Variants in SPHKAP observed in about 807,000 individuals in gnomAD.
The protein encoded by SPHKAP is SPHK1 interactor, AKAP domain containing.
Under a neutral mutation model 137.5 loss-of-function variants are expected in SPHKAP, and 67 were observed. That is an observed-to-expected ratio of 0.49 (90% confidence interval 0.40 to 0.60). The LOEUF (loss-of-function observed/expected upper bound fraction) is 0.60. Ranked by LOEUF, SPHKAP falls within the 20% of genes least tolerant of loss-of-function variation. The pLI is 0.00. For missense variants in SPHKAP, 2,097 were observed against 2,069.3 expected, an observed-to-expected ratio of 1.01 and a Z score of -0.26; for synonymous variants, 813 against 785.3, an observed-to-expected ratio of 1.04 and a Z score of -0.59.
chr2:228,039,257 G>C lies in SPHKAP; in HGVS notation c.247-11714C>G, dbSNP rs77211892. 8.1e-3 allele frequency among the ~76,000 whole-genome samples: 1,233 copies of C among 152,266 alleles called. 18 individuals are homozygous for C. Among genetic ancestry groups the C allele is most frequent in the African/African-American group, 0.027 (1,131 of 41,548 alleles). On this transcript the variant is annotated intron_variant, in intron 3 of 11. Coordinates refer to ENST00000392056, the MANE Select transcript of SPHKAP (RefSeq NM_001142644.2). ...GCTTCCTGAACAGAGCTAATCTTGTGGTTGTACTCCACCTTTTACACTCTA... is the reference window on the plus strand; with the variant it reads ...GCTTCCTGAACAGAGCTAATCTTGTCGTTGTACTCCACCTTTTACACTCTA...
At chr2:228,086,143 T>C (rs2106320697) in intron 3 of SPHKAP, among the ~76,000 whole-genome samples, 1 of 152,146 alleles carries the variant, frequency 6.6e-6, no homozygotes, top group Admixed American at 6.5e-5. Context: ...TAGGACAAGC[T>C]TCCCAGTGAA....
At chr2:228,121,972 AACTTTTCTTAGAGGAGGG>A (rs763478157) in intron 2 of SPHKAP, among the ~76,000 whole-genome samples, 124 of 152,226 alleles carry the variant, frequency 8.1e-4, no homozygotes, top group Non-Finnish European at 1.3e-3. Context: ...CTATGCTGGG[AACTTTTCTTAGAGGAGGG>A]ACTGAAAGAA....
chr2:228,148,725 C>G (rs769976645), intron 1 of SPHKAP, among the ~76,000 whole-genome samples: 10 of 152,044 alleles, frequency 6.6e-5, no homozygotes, highest in Non-Finnish European at 1.2e-4. Flanking sequence ...GTTCAACTAC[C>G]CACATGGCTG....
At chr2:228,158,681 C>T (rs1689152339) in intron 1 of SPHKAP, among the ~76,000 whole-genome samples, 1 of 152,192 alleles carries the variant, frequency 6.6e-6, no homozygotes, top group Admixed American at 6.5e-5. Context: ...TTTATATTCT[C>T]ACTGCAGATC....
At chr2:228,119,452 A>AGT (rs1698834791) in intron 2 of SPHKAP, among the ~76,000 whole-genome samples, 1 of 73,852 alleles carries the variant, frequency 1.4e-5, no homozygotes, top group South Asian at 3.6e-4. Flanking sequence ...TTAAAAGCCT[A>AGT]GTATACACAC....
chr2:228,155,679 A>G (rs968326413), intron 1 of SPHKAP, among the ~76,000 whole-genome samples: 1 of 152,198 alleles, frequency 6.6e-6, no homozygotes, highest in Non-Finnish European at 1.5e-5. Context: ...AGAAAACTGA[A>G]TTAAGAGCAA....
rs1186654720 is a variant in SPHKAP at position 228,001,320 on chromosome 2, A to AAT, written c.4449-5628_4449-5627dup. ...ATATAAATATATCTATACATATATA[A>AAT]ATATATATACATATATAAATATATA... On this transcript the variant is annotated intron_variant, in intron 7 of 11. Transcript: ENST00000392056. Among the ~76,000 whole-genome samples, 5 of 142,608 alleles carry AAT rather than the reference A, an allele frequency of 3.5e-5. No homozygotes were observed. In the South Asian group the frequency reaches 1.1e-3, roughly 31 times the overall value. 93.6% of individuals were successfully genotyped at this position (142,608 alleles called of 152,430 possible). A position where few individuals can be genotyped will look rare whatever the true frequency, so the allele number is the denominator to read the frequency against.
intron 3 of SPHKAP, among the ~76,000 whole-genome samples, chr2:228,028,502 A>C (rs1695148001): frequency 1.3e-5 from 2 of 152,266 alleles, no homozygotes; most frequent in Non-Finnish European, 2.9e-5. Flanking sequence ...CATAATGAAC[A>C]ACATTTTGGT....
In SPHKAP at chr2:228,019,468, G is replaced by T; in HGVS notation, c.1386C>A (p.Ala462=). 1 of 1,614,088 alleles carries T rather than the reference G, an allele frequency of 6.2e-7. No individual in the cohort carries two copies. Among genetic ancestry groups the T allele is most frequent in the Non-Finnish European group, 8.5e-7 (1 of 1,180,002 alleles). The stretch of plus-strand genomic sequence containing the variant: ...GCCAGGAGGAGATGCCTGGCTGTGG[G>T]GCAGCATCACTGCCATCTGGACTCT... ...VVQSPDGSDA[A]PQPGISSWPE... is the part of the protein sequence containing the mutation. Residue 462 remains alanine, a synonymous_variant, in exon 7 of 12, where the codon GCC becomes GCA. Transcript: ENST00000392056.
chr2:228,015,210 G>A (rs892236768), intron 7 of SPHKAP, among the ~76,000 whole-genome samples: 12 of 151,740 alleles, frequency 7.9e-5, no homozygotes, highest in African/African-American at 2.9e-4. Flanking sequence ...TGAGAATGAT[G>A]ATTTCCAATT....
chr2:228,044,418 G>A (rs547761619), intron 3 of SPHKAP, among the ~76,000 whole-genome samples: 12 of 152,120 alleles, frequency 7.9e-5, no homozygotes, highest in African/African-American at 2.2e-4. Flanking sequence ...TTAGTTTCAC[G>A]GGTACTCTAA....
Position 228,018,102 on chromosome 2 carries a change from T to C in SPHKAP, c.2752A>G (p.Thr918Ala), listed in dbSNP as rs148899272. Residue 918 changes from threonine to alanine, a missense_variant, in exon 7 of 12, where the codon ACA becomes GCA. Thr to Ala is a moderately conservative substitution (Grantham distance 58, BLOSUM62 0). Coordinates refer to ENST00000392056, the MANE Select transcript of SPHKAP (RefSeq NM_001142644.2). ...ATGCAGTAGATGTCTGGATGCTTTG[T>C]TTGAAGCGTGGATTGAGCAGGAAGC... ...LLLPAQSTLQ[T>A]KHPDIYCITD... is the part of the protein sequence containing the mutation. The C allele has an allele frequency of 3.1e-6, 5 of 1,614,050 alleles. No homozygotes were observed. In the African/African-American group the frequency reaches 6.7e-5, roughly 22 times the overall value.
In SPHKAP at chr2:228,181,128, G is replaced by T. The variant is rs1466739113; in HGVS notation, c.32+439C>A. Among the ~76,000 whole-genome samples the T allele has an allele frequency of 1.3e-5, 2 of 152,084 alleles. No individual in the cohort carries two copies. The highest frequency in any genetic ancestry group is 2.9e-5 in the Non-Finnish European group (2 of 68,000). On this transcript the variant is annotated intron_variant, in intron 1 of 11. Transcript: ENST00000392056. The surrounding 1 kb of genome is among the most constrained non-coding windows in gnomAD (Gnocchi z 4.3). The stretch of plus-strand genomic sequence containing the variant: ...CCCACCCCAGCAGCCCCAGACACCC[G>T]CCCAGGTCAAGGTGGAAGGAAAGCG...
At chr2:227,995,381 G>A (rs1022124254) in intron 8 of SPHKAP, 128 bp downstream of exon 8, 1 of 1,111,266 alleles carries the variant, frequency 9.0e-7, no homozygotes, top group Non-Finnish European at 1.3e-6. Flanking sequence ...CGACATAGTG[G>A]GAACTTTCCT....
chr2:228,098,979 G>T (rs1574848145), intron 3 of SPHKAP, among the ~76,000 whole-genome samples: 1 of 152,170 alleles, frequency 6.6e-6, no homozygotes, highest in East Asian at 1.9e-4. Context: ...CATTCTGTAG[G>T]TTGTCTGTTT....
intron 3 of SPHKAP, among the ~76,000 whole-genome samples, chr2:228,076,452 GATA>G (rs2106308558): frequency 6.6e-6 from 1 of 152,328 alleles, no homozygotes; most frequent in South Asian, 2.1e-4. Flanking sequence ...CCAAAATGCT[GATA>G]ATAACATGGA....
At chr2:228,053,301 G>T (rs1696322802) in intron 3 of SPHKAP, among the ~76,000 whole-genome samples, 1 of 152,190 alleles carries the variant, frequency 6.6e-6, no homozygotes. Context: ...ACAAAAAGCT[G>T]AGAAGCAATA....
chr2:228,173,096 A>C, intron 1 of SPHKAP: 2 of 985,188 alleles, frequency 2.0e-6, no homozygotes, highest in African/African-American at 3.5e-5. Flanking sequence ...AATAATCTTT[A>C]GTTGTTTCAG....
chr2:228,088,696 ATGAG>A, intron 3 of SPHKAP, among the ~76,000 whole-genome samples: 1 of 152,126 alleles, frequency 6.6e-6, no homozygotes, highest in East Asian at 1.9e-4. Context: ...CTACTTAGTG[ATGAG>A]TGAGTTCTCA....
Sources: gnomAD v4.1 joint callset for allele counts (sites outside exome capture counted in the v4.1 genomes callset) on GRCh38, gnomAD v4.1.1 for gene constraint, Gnocchi (gnomAD v3.1) non-coding constraint, MANE v1.5 for transcripts, NCBI Gene and HGNC (gene_info 2026-07-23, HGNC 2026-07-21) for gene names.